The following ANKRD30B variants were observed in gnomAD, a reference collection of about 807,000 sequenced individuals.
ANKRD30B encodes ankyrin repeat domain 30B.
Under a neutral mutation model 202.2 loss-of-function variants are expected in ANKRD30B, and 144 were observed. The ratio of observed to expected loss-of-function variants is 0.71; its 90% CI spans 0.62 to 0.82. The LOEUF (loss-of-function observed/expected upper bound fraction) is 0.82. ANKRD30B is among the 40% of genes least tolerant of loss of function. The probability of loss-of-function intolerance (pLI) is 0.00; values close to 1 mark genes in which losing one functional copy is unlikely to be tolerated. For missense variants in ANKRD30B, 1,487 were observed against 1,669.1 expected (o/e 0.89, Z 1.90); for synonymous variants, 508 against 561.3 (o/e 0.91, Z 1.34).
At position 14,779,278 on chromosome 18, in the gene ANKRD30B, A is replaced by G. The variant is rs151062574; in HGVS notation, c.1421-682A>G. Among the ~76,000 whole-genome samples the G allele has an allele frequency of 3.4e-4, 52 of 152,334 alleles. 1 individual carries two copies. The highest frequency in any genetic ancestry group is 3.4e-3 in the Admixed American group (52 of 15,304). On this transcript the variant is annotated intron_variant, in intron 10 of 43. Coordinates refer to ENST00000690538, the MANE Select transcript of ANKRD30B (RefSeq NM_001367607.2). ...TGGGAAATTTAGGTTACTTACAGCA[A>G]TCATTTTTCCTAGAAATGTCTAATG...
Position 14,848,915 on chromosome 18 carries a change from G to A in ANKRD30B, c.3381G>A (p.Glu1127=). ...LENQKAKWEQ[E]LCSVRLTLNQ... ...ACCAAAAAGCTAAATGGGAACAAGA[G>A]CTCTGCAGTGTGAGGTATGACATCC... The change falls in exon 40 of 44, where the codon GAG becomes GAA. Residue 1127 remains glutamate, a synonymous_variant. Transcript: ENST00000690538. 2 of 1,579,952 alleles carry A rather than the reference G, an allele frequency of 1.3e-6. No individual in the cohort carries two copies. Among genetic ancestry groups the A allele is most frequent in the Non-Finnish European group, 1.7e-6 (2 of 1,167,676 alleles).
chr18:14,914,571 A>T, the ANKRD30B span, among the ~76,000 whole-genome samples: 1 of 152,192 alleles, frequency 6.6e-6, no homozygotes, highest in East Asian at 1.9e-4. Flanking sequence ...TTGGGCAAGA[A>T]TTGTGGTGGA....
the ANKRD30B span, among the ~76,000 whole-genome samples, chr18:14,860,384 G>C: frequency 7.0e-4 from 74 of 106,062 alleles, no homozygotes; most frequent in African/African-American, 2.0e-3. Context: ...CTTCCCAGAG[G>C]GGGTGGCCGG....
rs1402785641 is a variant in ANKRD30B, at chr18:14,778,055, C to T, written c.1400C>T (p.Thr467Ile). 19 of 1,544,304 alleles carry T rather than the reference C, an allele frequency of 1.2e-5. No individual in the cohort carries two copies. The highest frequency in any genetic ancestry group is 1.6e-5 in the Non-Finnish European group (18 of 1,141,454). ...GCTACATATCAAAAAGATATCAAAA[C>T]AATAAATCACAAAATAGAAGGTAAG... ...PDATYQKDIK[T>I]INHKIEDQMF... Residue 467 changes from threonine (T) to isoleucine (I), a missense_variant, in exon 10 of 44, where the codon ACA (threonine) becomes ATA (isoleucine). By Grantham distance (89) the Thr-to-Ile change is moderately conservative. Around this residue, in one of 6 missense-constraint regions of ANKRD30B, gnomAD observed 889 missense variants for 841.4 expected, o/e 1.06. Transcript: ENST00000690538.
chr18:14,770,393 G>A (rs563097853), intron 8 of ANKRD30B, among the ~76,000 whole-genome samples: 1 of 152,144 alleles, frequency 6.6e-6, no homozygotes, highest in African/African-American at 2.4e-5. Flanking sequence ...TAGGAGGTAG[G>A]AGAAGTAATA....
intron 30 of ANKRD30B, among the ~76,000 whole-genome samples, chr18:14,819,837 G>A (rs28806206): frequency 0.014 from 2,195 of 152,202 alleles, 60 homozygotes; most frequent in African/African-American, 0.051. Context: ...GATTGACTTG[G>A]CGACACGGGC....
intron 42 of ANKRD30B, among the ~76,000 whole-genome samples, 192 bp from the exon 43 acceptor site, chr18:14,853,617 T>C (rs1971978537): frequency 6.6e-6 from 1 of 152,208 alleles, no homozygotes; most frequent in African/African-American, 2.4e-5. Flanking sequence ...AGATGAATCT[T>C]GTGTCTAGTA....
chr18:14,819,946 C>T (rs28846220), intron 30 of ANKRD30B, among the ~76,000 whole-genome samples: 1 of 152,010 alleles, frequency 6.6e-6, no homozygotes, highest in Non-Finnish European at 1.5e-5. Flanking sequence ...CTGTAAATAA[C>T]CTTGGGCAGT....
intron 11 of ANKRD30B, among the ~76,000 whole-genome samples, chr18:14,782,312 G>A (rs887009532): frequency 6.6e-6 from 1 of 152,130 alleles, no homozygotes; most frequent in African/African-American, 2.4e-5. Context: ...CTCAGTAACC[G>A]AGTCAATAGC....
In ANKRD30B at chr18:14,757,838, G is replaced by T; in HGVS notation, c.641G>T (p.Cys214Phe). The T allele has an allele frequency of 6.2e-7, 1 of 1,613,724 alleles. No individual in the cohort carries two copies. Among genetic ancestry groups the T allele is most frequent in the Non-Finnish European group, 8.5e-7 (1 of 1,179,876 alleles). Reference sequence around the variant, plus strand: ...AGCACAGCCCTCATGCTTGCCATATGTGAAGGCTCATCAGAGATAGTCGGC... The same window carrying T: ...AGCACAGCCCTCATGCTTGCCATATTTGAAGGCTCATCAGAGATAGTCGGC... ...SKCTALMLAI[C>F]EGSSEIVGML... is the part of the protein sequence containing the mutation. The change falls in exon 5 of 44, where the codon TGT becomes TTT. Residue 214 changes from cysteine (C) to phenylalanine (F), a missense_variant. Physicochemically the swap from Cys to Phe is radical, Grantham distance 205. This residue lies in a region of ANKRD30B where 889 missense variants were observed against 841.4 expected (regional missense o/e 1.06). Coordinates refer to ENST00000690538, the MANE Select transcript of ANKRD30B (RefSeq NM_001367607.2).
Position 14,763,960 on chromosome 18 carries a change from A to C in ANKRD30B, c.1095A>C (p.Glu365Asp). 6.2e-7 allele frequency: 1 copy of C among 1,608,298 alleles called. No individual in the cohort carries two copies. Residue 365 changes from glutamate to aspartate, a missense_variant, in exon 7 of 44, where the codon GAA becomes GAC. By Grantham distance (45) the Glu-to-Asp change is conservative. Coordinates refer to ENST00000690538, the MANE Select transcript of ANKRD30B (RefSeq NM_001367607.2). The part of the protein sequence containing the change: ...KERSRKITWE[E>D]KETSVKTECV... ...GATCTAGGAAGATCACATGGGAGGAAAAAGAAACATCTGTAAAGACTGAAT... is the reference window on the plus strand; with the variant it reads ...GATCTAGGAAGATCACATGGGAGGACAAAGAAACATCTGTAAAGACTGAAT...
chr18:14,752,576 C>T lies in ANKRD30B; in HGVS notation c.232C>T (p.His78Tyr), dbSNP rs755699513. The change falls in exon 2 of 44, where the codon CAC becomes TAC. Residue 78 changes from histidine to tyrosine, a missense_variant. Transcript: ENST00000690538. ...CTCTCACTCTCGTAGGACTGCTCTA[C>T]ACTGGGCCTGTGTCAATGGCCATGC... ...KRDMKKRTAL[H>Y]WACVNGHAEV... 37 of 1,612,106 alleles carry T rather than the reference C, an allele frequency of 2.3e-5. No individual in the cohort carries two copies. The Admixed American group carries it at 4.7e-4, about 20-fold the overall frequency.
At chr18:14,827,617 A>G (rs968306605) in intron 32 of ANKRD30B, among the ~76,000 whole-genome samples, 1 of 152,190 alleles carries the variant, frequency 6.6e-6, no homozygotes, top group African/African-American at 2.4e-5. Context: ...GTATGAGAGC[A>G]GAGGGAAATC....
chr18:14,850,455 A>G (rs1392365956), intron 41 of ANKRD30B, 73 bp downstream of exon 41: 1 of 1,362,380 alleles, frequency 7.3e-7, no homozygotes, highest in Non-Finnish European at 9.8e-7. Flanking sequence ...CATCCCTTTG[A>G]TTTAGTATGT....
intron 39 of ANKRD30B, among the ~76,000 whole-genome samples, chr18:14,843,830 A>T (rs1971525066): frequency 6.6e-6 from 1 of 152,172 alleles, no homozygotes; most frequent in African/African-American, 2.4e-5. Flanking sequence ...TAATAATAAT[A>T]AATGGGAGAA....
At chr18:14,809,138 G>A (rs1969751075) in intron 26 of ANKRD30B, among the ~76,000 whole-genome samples, 1 of 148,378 alleles carries the variant, frequency 6.7e-6, no homozygotes, top group South Asian at 2.2e-4. Flanking sequence ...TAAGTTTAGT[G>A]AGGGTGGGGG....
At chr18:14,906,190 G>A in the ANKRD30B span, among the ~76,000 whole-genome samples, 1,686 of 152,176 alleles carry the variant, frequency 0.011, 35 homozygotes, top group African/African-American at 0.039. Context: ...ACCTCTTCCT[G>A]CCTCTTCCTG....
intron 16 of ANKRD30B, among the ~76,000 whole-genome samples, chr18:14,792,466 CAA>C (rs1266906140): frequency 2.0e-5 from 3 of 152,004 alleles, no homozygotes; most frequent in Non-Finnish European, 4.4e-5. Context: ...TGGGAAGAAA[CAA>C]GAGCACAAGT....
chr18:14,815,917 T>C (rs1970074711), intron 30 of ANKRD30B, among the ~76,000 whole-genome samples: 1 of 152,130 alleles, frequency 6.6e-6, no homozygotes, highest in African/African-American at 2.4e-5. Flanking sequence ...GCCATATGGG[T>C]GTGAAAATTA....
Sources: allele counts gnomAD v4.1 joint callset (sites outside exome capture counted in the v4.1 genomes callset), GRCh38; gene constraint gnomAD v4.1.1; regional missense constraint gnomAD v4.1.1; transcripts MANE v1.5; gene names NCBI Gene and HGNC (gene_info 2026-07-23, HGNC 2026-07-21).